The following AJAP1 variants were observed in gnomAD, a reference collection of about 807,000 sequenced individuals.
AJAP1 encodes adherens junction-associated protein 1.
In AJAP1, 5 loss-of-function variants were observed where a neutral mutation model predicts 35.0. That is an observed-to-expected ratio of 0.14 (90% CI 0.07 to 0.30). The LOEUF (loss-of-function observed/expected upper bound fraction) is 0.30. Among genes scored for constraint, AJAP1 ranks in the 10% least tolerant of loss-of-function variants. AJAP1 has a pLI of 1.00. For synonymous variants in AJAP1, 284 were observed against 249.3 expected, an observed-to-expected ratio of 1.14 and a Z score of -1.31; for missense variants, 586 against 571.0, an observed-to-expected ratio of 1.03 and a Z score of -0.27.
intron 2 of AJAP1, among the ~76,000 whole-genome samples, chr1:4,714,212 G>A (rs1445344705): frequency 6.6e-6 from 1 of 152,216 alleles, no homozygotes; most frequent in Non-Finnish European, 1.5e-5. Context: ...GGAGGCTGTG[G>A]GCTTGGGAGA....
At chr1:4,756,369 A>G (rs532154040) in intron 2 of AJAP1, among the ~76,000 whole-genome samples, 2 of 152,150 alleles carry the variant, frequency 1.3e-5, no homozygotes, top group Non-Finnish European at 2.9e-5. Context: ...TGCCTGGGCC[A>G]GGTGTGCGGT....
rs898470203 is a variant in AJAP1, at chr1:4,719,320, T to C, written c.829+6621T>C. Reference sequence around the variant, plus strand: ...CAAAACATGGCCCCTCCTCCTCTTTTCAAGGAGTTAAAAAATTCCAGTTGG... The same window carrying C: ...CAAAACATGGCCCCTCCTCCTCTTTCCAAGGAGTTAAAAAATTCCAGTTGG... On this transcript the variant is annotated intron_variant, in intron 2 of 5. Coordinates refer to ENST00000378191, the MANE Select transcript of AJAP1 (RefSeq NM_018836.4). Among the ~76,000 whole-genome samples the C allele has an allele frequency of 2.6e-5, 4 of 152,140 alleles. 1 individual carries two copies. Among genetic ancestry groups the C allele is most frequent in the Admixed American group, 2.6e-4 (4 of 15,280 alleles).
In AJAP1 at chr1:4,789,664, C is replaced by T. The variant is rs907574665; in HGVS notation, c.*7179C>T. The T allele has an allele frequency of 6.6e-6, 1 of 152,210 alleles. No homozygotes were observed. Among genetic ancestry groups the T allele is most frequent in the African/African-American group, 2.4e-5 (1 of 41,444 alleles). 9.4% of individuals were successfully genotyped at this position (152,210 alleles called of 1,614,324 possible). ...TTCTTAGTGTTGATGTTGATAGCTT[C>T]TGGGTTGGCAAACTGGCAGTTCACT... On this transcript the variant is annotated 3_prime_UTR_variant, in exon 6 of 6. Transcript: ENST00000378191. The surrounding 1 kb of genome is among the most constrained non-coding windows in gnomAD (Gnocchi z 4.4).
chr1:4,764,585 A>G (rs150105187), intron 2 of AJAP1, among the ~76,000 whole-genome samples: 44 of 152,340 alleles, frequency 2.9e-4, no homozygotes, highest in African/African-American at 1.1e-3. Context: ...TGGCACTTTG[A>G]GTCCCAATGT....
intron 1 of AJAP1, among the ~76,000 whole-genome samples, chr1:4,690,899 C>A (rs369511381): frequency 1.3e-5 from 2 of 152,192 alleles, no homozygotes; most frequent in African/African-American, 4.8e-5. Flanking sequence ...GGGTCAAGTG[C>A]GCACTGGGTC....
chr1:4,735,245 A>C (rs1440390106), intron 2 of AJAP1, among the ~76,000 whole-genome samples: 1 of 152,248 alleles, frequency 6.6e-6, no homozygotes, highest in Non-Finnish European at 1.5e-5. Context: ...AAGTCACTTC[A>C]AAAGCTGGTC....
At chr1:4,673,821 G>A (rs1449432750) in intron 1 of AJAP1, among the ~76,000 whole-genome samples, 1 of 152,034 alleles carries the variant, frequency 6.6e-6, no homozygotes, top group Non-Finnish European at 1.5e-5. Flanking sequence ...CTCTGATCAA[G>A]GCTTTATACG....
At chr1:4,680,983 A>T (rs1266552073) in intron 1 of AJAP1, among the ~76,000 whole-genome samples, 2 of 152,214 alleles carry the variant, frequency 1.3e-5, no homozygotes, top group Non-Finnish European at 2.9e-5. Context: ...TGGATTTGGA[A>T]ATATAGCAAA....
chr1:4,680,972 G>A (rs928989248), intron 1 of AJAP1, among the ~76,000 whole-genome samples: 2 of 152,192 alleles, frequency 1.3e-5, no homozygotes, highest in South Asian at 2.1e-4. Flanking sequence ...TCGAATTCAG[G>A]TGGATTTGGA....
chr1:4,681,455 G>A (rs545902119), intron 1 of AJAP1, among the ~76,000 whole-genome samples: 1 of 152,218 alleles, frequency 6.6e-6, no homozygotes, highest in African/African-American at 2.4e-5. Context: ...AGGCAGCCAG[G>A]GTTCTAGGAA....
Position 4,764,083 on chromosome 1 carries a change from TG to T in AJAP1, c.830-5768del, listed in dbSNP as rs1207232566. ...GACTGAGTGACACCACCAACTTTCC[TG>T]GTTCTCCAGCTTGTAGACAGAAGAC... On this transcript the variant is annotated intron_variant, in intron 2 of 5. Transcript: ENST00000378191. Among the ~76,000 whole-genome samples the T allele has an allele frequency of 5.9e-5, 9 of 152,128 alleles. No individual in the cohort carries two copies. The East Asian group carries it at 1.5e-3, about 26-fold the overall frequency.
chr1:4,768,669 T>C (rs1043986946), intron 2 of AJAP1, among the ~76,000 whole-genome samples: 1 of 152,136 alleles, frequency 6.6e-6, no homozygotes, highest in Non-Finnish European at 1.5e-5. Flanking sequence ...GACAGGACAG[T>C]TGCTTGGATC....
intron 2 of AJAP1, among the ~76,000 whole-genome samples, chr1:4,739,867 C>A (rs536570923): frequency 1.3e-5 from 2 of 152,272 alleles, no homozygotes; most frequent in African/African-American, 4.8e-5. Context: ...GTGCCTTTGG[C>A]ATCAGAGTGT....
At chr1:4,676,614 A>G (rs532621915) in intron 1 of AJAP1, among the ~76,000 whole-genome samples, 1 of 152,112 alleles carries the variant, frequency 6.6e-6, no homozygotes, top group Non-Finnish European at 1.5e-5. Context: ...AGTAATCAGG[A>G]GATGATGGGG....
intron 1 of AJAP1, among the ~76,000 whole-genome samples, chr1:4,688,599 C>G (rs1021511004): frequency 1.3e-5 from 2 of 151,796 alleles, no homozygotes; most frequent in Admixed American, 6.6e-5. Context: ...ATGGTGAAAC[C>G]CCATCTCTAC....
intron 1 of AJAP1, among the ~76,000 whole-genome samples, chr1:4,695,719 T>C (rs1639844291): frequency 6.6e-6 from 1 of 152,202 alleles, no homozygotes; most frequent in South Asian, 2.1e-4. Flanking sequence ...CTTGGCTCTG[T>C]GTGTCTGTTC....
chr1:4,698,938 G>C (rs556572500), intron 1 of AJAP1, among the ~76,000 whole-genome samples: 2 of 152,312 alleles, frequency 1.3e-5, no homozygotes, highest in Admixed American at 6.5e-5. Context: ...AGGCAGCTAA[G>C]GGGTCCTAGG....
chr1:4,667,581 T>C (rs1391709732), intron 1 of AJAP1, among the ~76,000 whole-genome samples: 1 of 152,218 alleles, frequency 6.6e-6, no homozygotes, highest in Non-Finnish European at 1.5e-5. Context: ...GTAGGGTTAG[T>C]GCCCCTGGAA....
intron 2 of AJAP1, among the ~76,000 whole-genome samples, chr1:4,746,357 A>G (rs1198577688): frequency 6.6e-6 from 1 of 152,096 alleles, no homozygotes; most frequent in Non-Finnish European, 1.5e-5. Flanking sequence ...CATCTGCACA[A>G]CCCTGTCTCC....
Sources: allele counts gnomAD v4.1 joint callset (sites outside exome capture counted in the v4.1 genomes callset), GRCh38; gene constraint gnomAD v4.1.1; non-coding constraint Gnocchi (gnomAD v3.1); transcripts MANE v1.5; gene names NCBI Gene and HGNC (gene_info 2026-07-23, HGNC 2026-07-21).